TTC28: variants seen among roughly 807,000 people sequenced by gnomAD.
The protein encoded by TTC28 is tetratricopeptide repeat domain 28.
Under a neutral mutation model 198.0 loss-of-function variants are expected in TTC28, and 61 were observed. That is an observed-to-expected ratio of 0.31 (90% confidence interval 0.25 to 0.38). The LOEUF (loss-of-function observed/expected upper bound fraction) is 0.38. Among genes scored for constraint, TTC28 ranks in the 10% least tolerant of loss-of-function variants. The pLI, the probability that TTC28 is intolerant of heterozygous loss-of-function variation, is 1.00. For missense variants in TTC28, 2,678 were observed against 3,164.0 expected (o/e 0.85, Z 3.69); for synonymous variants, 1,171 against 1,297.8 (o/e 0.90, Z 2.10).
At chr22:28,627,465 CTT>C (rs757979777) in intron 2 of TTC28, among the ~76,000 whole-genome samples, 4 of 146,704 alleles carry the variant, frequency 2.7e-5, no homozygotes, top group Non-Finnish European at 6.0e-5. Context: ...ACTCTTCACT[CTT>C]GTTGCCCAGG....
intron 5 of TTC28, among the ~76,000 whole-genome samples, chr22:28,252,881 T>TA (rs1172087138): frequency 2.6e-5 from 4 of 152,112 alleles, no homozygotes; most frequent in South Asian, 2.1e-4. Context: ...ATAAAATGGG[T>TA]AAAAAAACAC....
chr22:28,165,883 C>A (rs1288513009), intron 5 of TTC28, among the ~76,000 whole-genome samples: 3 of 152,122 alleles, frequency 2.0e-5, no homozygotes, highest in African/African-American at 4.8e-5. Flanking sequence ...CACAGACTGG[C>A]AAATTGGATA....
chr22:28,091,629 G>A (rs981094732), intron 12 of TTC28, among the ~76,000 whole-genome samples: 1 of 152,006 alleles, frequency 6.6e-6, no homozygotes, highest in African/African-American at 2.4e-5. Flanking sequence ...AAGTCCCATC[G>A]GCAAGGCTGA....
intron 2 of TTC28, among the ~76,000 whole-genome samples, chr22:28,407,000 G>T (rs1031926805): frequency 1.3e-5 from 2 of 152,196 alleles, no homozygotes; most frequent in African/African-American, 4.8e-5. Flanking sequence ...TATGTGGCCT[G>T]CCTGAAGCAA....
chr22:27,990,467 G>C (rs1280609839), intron 20 of TTC28, among the ~76,000 whole-genome samples: 15 of 152,198 alleles, frequency 9.9e-5, no homozygotes, highest in Admixed American at 9.8e-4. Context: ...AGATTTCAGG[G>C]TCTGTGGCCT....
chr22:28,343,312 T>C (rs967300052), intron 2 of TTC28, among the ~76,000 whole-genome samples: 5 of 152,028 alleles, frequency 3.3e-5, no homozygotes, highest in African/African-American at 1.2e-4. Flanking sequence ...GGTGGATCAT[T>C]TGAGGTCAGG....
intron 2 of TTC28, among the ~76,000 whole-genome samples, chr22:28,386,891 G>A (rs992478348): frequency 2.0e-5 from 3 of 151,800 alleles, no homozygotes; most frequent in African/African-American, 7.3e-5. Flanking sequence ...TGTGCACAAT[G>A]TGCAGGTTTG....
At chr22:28,193,736 A>C (rs1925115252) in intron 5 of TTC28, among the ~76,000 whole-genome samples, 1 of 152,228 alleles carries the variant, frequency 6.6e-6, no homozygotes, top group Non-Finnish European at 1.5e-5. Flanking sequence ...AGAAGAGCTA[A>C]CTATCCTAAA....
chr22:28,225,667 C>T (rs1928279970), intron 5 of TTC28, among the ~76,000 whole-genome samples: 1 of 152,186 alleles, frequency 6.6e-6, no homozygotes, highest in African/African-American at 2.4e-5. Flanking sequence ...AAGTGTACAA[C>T]TTGTAAGCTC....
At chr22:28,175,438 A>G (rs1177858110) in intron 5 of TTC28, among the ~76,000 whole-genome samples, 1 of 152,224 alleles carries the variant, frequency 6.6e-6, no homozygotes, top group Non-Finnish European at 1.5e-5. Flanking sequence ...TAACCCAATT[A>G]AAAAATGGGC....
At chr22:28,382,327 T>G (rs1355473550) in intron 2 of TTC28, among the ~76,000 whole-genome samples, 1 of 152,208 alleles carries the variant, frequency 6.6e-6, no homozygotes, top group East Asian at 1.9e-4. Context: ...CATTTTATTA[T>G]TCTCTATTAG....
intron 5 of TTC28, among the ~76,000 whole-genome samples, chr22:28,177,231 T>C (rs1384975523): frequency 4.6e-5 from 7 of 152,174 alleles, no homozygotes; most frequent in Non-Finnish European, 1.0e-4. Flanking sequence ...GATATGCAGA[T>C]GGCAAGGAAG....
chr22:28,249,843 T>C (rs554090945), intron 5 of TTC28, among the ~76,000 whole-genome samples: 1 of 152,352 alleles, frequency 6.6e-6, no homozygotes, highest in South Asian at 2.1e-4. Flanking sequence ...AACTCAGTTC[T>C]GAGACATTAC....
chr22:28,510,651 G>A (rs976091811), intron 2 of TTC28, among the ~76,000 whole-genome samples: 16 of 152,152 alleles, frequency 1.1e-4, no homozygotes, highest in East Asian at 3.9e-4. Context: ...GGAAGTTCTC[G>A]CGAGGGCAAT....
At chr22:28,595,665 C>G (rs1368523696) in intron 2 of TTC28, among the ~76,000 whole-genome samples, 1 of 152,174 alleles carries the variant, frequency 6.6e-6, no homozygotes, top group Admixed American at 6.5e-5. Context: ...GTGACTCACG[C>G]CTGTAATCAT....
At chr22:28,637,217 A>G in intron 1 of TTC28, among the ~76,000 whole-genome samples, 1 of 152,084 alleles carries the variant, frequency 6.6e-6, no homozygotes, top group East Asian at 1.9e-4. Context: ...TCACCGTGTT[A>G]GCCACGAGGG....
intron 2 of TTC28, among the ~76,000 whole-genome samples, chr22:28,332,383 G>A (rs1454533173): frequency 6.6e-6 from 1 of 151,522 alleles, no homozygotes; most frequent in East Asian, 1.9e-4. Flanking sequence ...AGAAATACAA[G>A]TTCTGAATTT....
chr22:28,642,675 G>T (rs2051388558), intron 1 of TTC28, among the ~76,000 whole-genome samples: 1 of 152,108 alleles, frequency 6.6e-6, no homozygotes, highest in Non-Finnish European at 1.5e-5. Context: ...CAAAATTAAG[G>T]CAATAAGGAC....
intron 1 of TTC28, among the ~76,000 whole-genome samples, chr22:28,658,164 A>G (rs2051690013): frequency 4.6e-5 from 7 of 152,196 alleles, no homozygotes; most frequent in Admixed American, 4.6e-4. Context: ...TTACACAAGA[A>G]AAATTTTCAA....
Sources: allele counts gnomAD v4.1 joint callset (sites outside exome capture counted in the v4.1 genomes callset), GRCh38; gene constraint gnomAD v4.1.1; transcripts MANE v1.5; gene names NCBI Gene and HGNC (gene_info 2026-07-23, HGNC 2026-07-21).